Variants in PIWIL2 observed in about 807,000 individuals in gnomAD.
PIWIL2 encodes piwi like RNA-mediated gene silencing 2.
PIWIL2 carries 81 observed loss-of-function variants against 116.5 expected under a neutral mutation model. The ratio of observed to expected loss-of-function variants is 0.70; its 90% CI spans 0.58 to 0.84. The LOEUF (loss-of-function observed/expected upper bound fraction) is 0.84. Ranked by LOEUF, PIWIL2 falls within the 40% of genes least tolerant of loss-of-function variation. The pLI, the probability that PIWIL2 is intolerant of heterozygous loss-of-function variation, is 0.00. For synonymous variants in PIWIL2, 489 were observed against 429.5 expected, an observed-to-expected ratio of 1.14 and a Z score of -1.71; for missense variants, 1,272 against 1,212.3, an observed-to-expected ratio of 1.05 and a Z score of -0.73.
intron 22 of PIWIL2, among the ~76,000 whole-genome samples, chr8:22,355,073 A>C (rs541145398): frequency 6.6e-6 from 1 of 151,938 alleles, no homozygotes; most frequent in African/African-American, 2.4e-5. Context: ...CTGTCAAAAA[A>C]AAAAAACAAA....
intron 20 of PIWIL2, 42 bp downstream of exon 20, chr8:22,318,317 T>G (rs1314219626): frequency 8.8e-7 from 1 of 1,130,708 alleles, no homozygotes; most frequent in African/African-American, 1.6e-5. Context: ...GGTTTTTTGT[T>G]TTTTTATTTT....
In PIWIL2 at chr8:22,304,773, C is replaced by T. The variant is rs1220553644; in HGVS notation, c.1371-11C>T. 3.8e-6 allele frequency: 6 copies of T among 1,599,424 alleles called. No homozygotes were observed. Among genetic ancestry groups the T allele is most frequent in the Admixed American group, 1.7e-5 (1 of 59,996 alleles). On this transcript the variant is annotated splice_polypyrimidine_tract_variant and intron_variant, in intron 11 of 22. Transcript: ENST00000356766. ...CTTCTGAAATTTTTTCCTGCCTCTA[C>T]TCTGCTCTAGCAAAAATTATGGGAT...
intron 20 of PIWIL2, chr8:22,321,839 C>T: frequency 1.0e-5 from 10 of 983,716 alleles, no homozygotes; most frequent in Non-Finnish European, 1.1e-5. Flanking sequence ...TTAATATCTT[C>T]CCCTAGGAAT....
chr8:22,317,812 A>C (rs897762698), intron 19 of PIWIL2, among the ~76,000 whole-genome samples: 12 of 152,082 alleles, frequency 7.9e-5, no homozygotes, highest in Non-Finnish European at 1.6e-4. Context: ...GGTGTCCGCC[A>C]CCACGCCCGG....
At chr8:22,323,303 A>T (rs1467787508) in intron 20 of PIWIL2, among the ~76,000 whole-genome samples, 1 of 151,936 alleles carries the variant, frequency 6.6e-6, no homozygotes, top group Non-Finnish European at 1.5e-5. Flanking sequence ...GTGTGCCACC[A>T]TGCCTGGCTA....
In PIWIL2 at chr8:22,316,257, G is replaced by T; in HGVS notation, c.2221G>T (p.Val741Leu). The T allele has an allele frequency of 1.9e-6, 3 of 1,611,432 alleles. No individual in the cohort carries two copies. The highest frequency in any genetic ancestry group is 2.5e-6 in the Non-Finnish European group (3 of 1,177,592). ...TTTTCTAAACTAGAAACAGTTAATG[G>T]TGATCGGGATGGATGTTTACCATGA... ...GVDIPLKQLM[V>L]IGMDVYHDPS... Residue 741 changes from valine to leucine, a missense_variant, in exon 19 of 23, where the codon GTG becomes TTG. Physicochemically the swap from Val to Leu is conservative, Grantham distance 32 (BLOSUM62 1). Transcript: ENST00000356766.
chr8:22,349,419 G>GTATGTATGTATATA (rs1213621776), intron 20 of PIWIL2, among the ~76,000 whole-genome samples: 3 of 134,432 alleles, frequency 2.2e-5, no homozygotes, highest in African/African-American at 8.2e-5. Context: ...ATGTGTGTGT[G>GTATGTATGTATATA]TATATATATA....
intron 6 of PIWIL2, among the ~76,000 whole-genome samples, chr8:22,284,873 T>C (rs982944705): frequency 6.6e-6 from 1 of 152,196 alleles, no homozygotes; most frequent in Non-Finnish European, 1.5e-5. Context: ...AGAGGAGTCA[T>C]TAGCTGGAAG....
At chr8:22,342,750 T>C (rs1271613624) in intron 20 of PIWIL2, among the ~76,000 whole-genome samples, 1 of 152,172 alleles carries the variant, frequency 6.6e-6, no homozygotes, top group African/African-American at 2.4e-5. Context: ...AAGGAAAAAT[T>C]GATAAATTTT....
chr8:22,343,238 C>T (rs553572407), intron 20 of PIWIL2, among the ~76,000 whole-genome samples: 1 of 151,396 alleles, frequency 6.6e-6, no homozygotes, highest in East Asian at 1.9e-4. Flanking sequence ...AACCCCGTCT[C>T]TACTAAAAAT....
intron 20 of PIWIL2, among the ~76,000 whole-genome samples, chr8:22,323,228 A>G (rs954342819): frequency 7.1e-6 from 1 of 140,472 alleles, no homozygotes; most frequent in South Asian, 2.3e-4. Flanking sequence ...GCTCACTGCA[A>G]CCTCCGCCTC....
At chr8:22,279,250 T>C in intron 1 of PIWIL2, 91 bp from the exon 2 acceptor site, 1 of 688,492 alleles carries the variant, frequency 1.5e-6, no homozygotes, top group Non-Finnish European at 2.6e-6. Context: ...GTTACTGGAC[T>C]GACTCAAAAT....
rs199669132 is a variant in PIWIL2, at chr8:22,315,194, A to G, written c.2208+49A>G. On this transcript the variant is annotated intron_variant, in intron 18 of 22. Transcript: ENST00000356766. Reference sequence around the variant, plus strand: ...GTTTGCCTCTCCAGAGAATCCTCCAAGCTGTTTTCCTGTTTTTCCTTATTC... The same window carrying G: ...GTTTGCCTCTCCAGAGAATCCTCCAGGCTGTTTTCCTGTTTTTCCTTATTC... The G allele has an allele frequency of 7.8e-6, 8 of 1,025,912 alleles. No homozygotes were observed. The East Asian group carries it at 1.4e-4, about 18-fold the overall frequency. The allele number at this position is 1,025,912 out of a possible 1,614,324, so 63.6% of individuals were successfully genotyped here.
chr8:22,290,097 A>G, intron 9 of PIWIL2, 136 bp from the exon 10 acceptor site: 2 of 704,692 alleles, frequency 2.8e-6, no homozygotes, highest in South Asian at 3.8e-5. Flanking sequence ...CAATAATGTC[A>G]ATTAACTTAG....
intron 7 of PIWIL2, among the ~76,000 whole-genome samples, chr8:22,287,985 GT>G (rs1830668051): frequency 1.3e-5 from 2 of 152,142 alleles, no homozygotes; most frequent in African/African-American, 4.8e-5. Context: ...TGTGACCTCA[GT>G]GATAAAGAGT....
intron 20 of PIWIL2, among the ~76,000 whole-genome samples, chr8:22,343,453 C>T (rs374992031): frequency 1.6e-3 from 235 of 150,856 alleles, no homozygotes; most frequent in African/African-American, 5.4e-3. Flanking sequence ...AAAAAATTAG[C>T]TGGGCATGGT....
chr8:22,314,302 A>T, intron 16 of PIWIL2, 26 bp from the exon 17 acceptor site: 2 of 1,285,198 alleles, frequency 1.6e-6, no homozygotes, highest in Non-Finnish European at 2.1e-6. Context: ...CCACAGCCTG[A>T]CTTGTATATA....
At chr8:22,327,742 C>T (rs1456593796) in intron 20 of PIWIL2, among the ~76,000 whole-genome samples, 1 of 152,074 alleles carries the variant, frequency 6.6e-6, no homozygotes, top group Non-Finnish European at 1.5e-5. Flanking sequence ...GTTGAACATC[C>T]TTCATGTGCT....
At chr8:22,310,392 G>T (rs1451660695) in intron 15 of PIWIL2, among the ~76,000 whole-genome samples, 1 of 152,012 alleles carries the variant, frequency 6.6e-6, no homozygotes, top group African/African-American at 2.4e-5. Flanking sequence ...GAGGGTATTT[G>T]TATCCGTGAA....
Sources: gnomAD v4.1 joint callset for allele counts (sites outside exome capture counted in the v4.1 genomes callset) on GRCh38, gnomAD v4.1.1 for gene constraint, MANE v1.5 for transcripts, NCBI Gene and HGNC (gene_info 2026-07-23, HGNC 2026-07-21) for gene names.